The following MTMR12 variants were observed in gnomAD, a reference collection of about 807,000 sequenced individuals.
MTMR12 encodes the protein myotubularin related protein 12, also known as myotubularin-related protein 12.
MTMR12 carries 33 observed loss-of-function variants against 96.7 expected under a neutral mutation model. The ratio of observed to expected loss-of-function variants is 0.34; its 90% confidence interval spans 0.26 to 0.46. MTMR12 has a LOEUF of 0.46. MTMR12 is among the 20% of genes least tolerant of loss of function. The pLI, the probability that MTMR12 is intolerant of heterozygous loss-of-function variation, is 1.00. For synonymous variants in MTMR12, 298 were observed against 327.2 expected (o/e 0.91, Z 0.96); for missense variants, 721 against 896.1 (o/e 0.80, Z 2.49).
At chr5:32,289,823 C>T (rs1301209690) in intron 1 of MTMR12, among the ~76,000 whole-genome samples, 2 of 152,172 alleles carry the variant, frequency 1.3e-5, no homozygotes, top group Non-Finnish European at 2.9e-5. Context: ...AAACAGAAGC[C>T]GTTAGAGCTG....
At chr5:32,302,108 C>G (rs1751174644) in intron 1 of MTMR12, among the ~76,000 whole-genome samples, 1 of 146,864 alleles carries the variant, frequency 6.8e-6, no homozygotes, top group Admixed American at 6.6e-5. Context: ...AAATCCCTCC[C>G]TTCCCAAAAC....
At chr5:32,298,910 G>A (rs1371179454) in intron 1 of MTMR12, among the ~76,000 whole-genome samples, 6 of 143,294 alleles carry the variant, frequency 4.2e-5, no homozygotes, top group Admixed American at 1.5e-4. Flanking sequence ...CCGAGATCGC[G>A]CCACTGCACT....
rs368793963 is a variant in MTMR12, at chr5:32,299,053, GCGCACA to G, written c.81+13699_81+13704del. Among the ~76,000 whole-genome samples the G allele has an allele frequency of 4.5e-3, 674 of 151,126 alleles. 11 individuals carry two copies. The highest frequency in any genetic ancestry group is 0.016 in the African/African-American group (654 of 41,112). On this transcript the variant is annotated intron_variant, in intron 1 of 15. Transcript: ENST00000382142. ...TGGCCCAAAGAACACACACATGAATGCGCACACACACACACATACACATACACACAC... is the reference window on the plus strand; with the variant it reads ...TGGCCCAAAGAACACACACATGAATGCACACACACATACACATACACACAC...
rs1751646878 is a variant in MTMR12, at chr5:32,312,667, C to T, written c.81+91G>A. 1 of 1,190,746 alleles carries T rather than the reference C, an allele frequency of 8.4e-7. No homozygotes were observed. The allele number at this position is 1,190,746 out of a possible 1,614,324, so 73.8% of individuals were successfully genotyped here. The stretch of plus-strand genomic sequence containing the variant: ...CCCGGCACAAGGGCAGGAAGCGCTC[C>T]GCGGCGCTCCCCGCTGCAAGGAAGG... On this transcript the variant is annotated intron_variant, in intron 1 of 15. Transcript: ENST00000382142. This position sits in a 1 kb window ranked among gnomAD's most constrained non-coding sequence, Gnocchi z 5.0.
At chr5:32,276,940 C>CAGT (rs1178803160) in intron 1 of MTMR12, among the ~76,000 whole-genome samples, 198 bp from the exon 2 acceptor site, 2 of 115,614 alleles carry the variant, frequency 1.7e-5, no homozygotes, top group Non-Finnish European at 3.2e-5. Context: ...GGCTGGAGTG[C>CAGT]AGTGGCACGA....
At chr5:32,261,722 G>A (rs1749364191) in intron 7 of MTMR12, among the ~76,000 whole-genome samples, 2 of 152,190 alleles carry the variant, frequency 1.3e-5, no homozygotes, top group Admixed American at 1.3e-4. Flanking sequence ...ACACTGCCAA[G>A]CAAATGGAAG....
chr5:32,268,630 C>T, intron 6 of MTMR12, 71 bp downstream of exon 6: 8 of 1,277,510 alleles, frequency 6.3e-6, no homozygotes, highest in Non-Finnish European at 9.1e-6. Flanking sequence ...GATGTGTTCT[C>T]CCCCACTGGC....
chr5:32,283,566 C>G (rs1335974470), intron 1 of MTMR12, among the ~76,000 whole-genome samples: 1 of 152,084 alleles, frequency 6.6e-6, no homozygotes, highest in Non-Finnish European at 1.5e-5. Flanking sequence ...GCGTTCCTGG[C>G]CCAGTCTGCA....
intron 7 of MTMR12, among the ~76,000 whole-genome samples, chr5:32,262,298 G>A (rs1277657936): frequency 6.6e-6 from 1 of 152,058 alleles, no homozygotes; most frequent in Non-Finnish European, 1.5e-5. Flanking sequence ...ATAATTGAAT[G>A]TTCATATCAA....
At position 32,228,583 on chromosome 5, in the gene MTMR12, A is replaced by G. The variant is rs943568174; in HGVS notation, c.*1195T>C. 8.5e-6 allele frequency: 1 copy of G among 117,488 alleles called. No homozygotes were observed. The highest frequency in any genetic ancestry group is 3.4e-5 in the African/African-American group (1 of 29,202). The allele number at this position is 117,488 out of a possible 1,614,324, so 7.3% of individuals were successfully genotyped here. A position where few individuals can be genotyped will look rare whatever the true frequency, so the allele number is the denominator to read the frequency against. On this transcript the variant is annotated 3_prime_UTR_variant, in exon 16 of 16. Transcript: ENST00000382142. ...TATATATATATCATATATATATCAT[A>G]TATATGTGATATATATATATATATC...
chr5:32,288,503 T>C (rs1468036917), intron 1 of MTMR12, among the ~76,000 whole-genome samples: 1 of 152,106 alleles, frequency 6.6e-6, no homozygotes, highest in African/African-American at 2.4e-5. Flanking sequence ...TGAGGTGAGG[T>C]TGAGACTGTG....
Position 32,263,206 on chromosome 5 carries a change from G to T in MTMR12, c.620C>A (p.Thr207Lys). ...CAGTTCCCAACACCAGTCCTTAAGTGTGTCAAACATTACGGTATGGTTCTT... is the reference window on the plus strand; with the variant it reads ...CAGTTCCCAACACCAGTCCTTAAGTTTGTCAAACATTACGGTATGGTTCTT... ...DPKNHTVMFD[T>K]LKDWCWELER... The change falls in exon 7 of 16, where the codon ACA (threonine) becomes AAA (lysine). Residue 207 changes from threonine to lysine, a missense_variant. Transcript: ENST00000382142. 1 of 1,614,088 alleles carries T rather than the reference G, an allele frequency of 6.2e-7. No homozygotes were observed. Among genetic ancestry groups the T allele is most frequent in the South Asian group, 1.1e-5 (1 of 91,076 alleles).
chr5:32,279,639 G>C (rs76075938), intron 1 of MTMR12, among the ~76,000 whole-genome samples: 2,235 of 152,298 alleles, frequency 0.015, 38 homozygotes, highest in East Asian at 0.07. Context: ...CACATTCAAG[G>C]ATCTGCCACA....
intron 10 of MTMR12, 171 bp downstream of exon 10, chr5:32,247,831 G>A: frequency 1.0e-6 from 1 of 979,588 alleles, no homozygotes; most frequent in Non-Finnish European, 1.2e-6. Context: ...GGAGAGAGAT[G>A]GAGAGGGAAG....
At chr5:32,274,576 T>G (rs1160812744) in intron 2 of MTMR12, among the ~76,000 whole-genome samples, 1 of 152,212 alleles carries the variant, frequency 6.6e-6, no homozygotes, top group East Asian at 1.9e-4. Flanking sequence ...GGGGGCAGCT[T>G]CTAATACTGG....
chr5:32,231,270 A>T (rs1747983713), intron 15 of MTMR12, among the ~76,000 whole-genome samples: 1 of 151,020 alleles, frequency 6.6e-6, no homozygotes, highest in Non-Finnish European at 1.5e-5. Context: ...GGTGGTGGGC[A>T]CCCGAGGCTG....
chr5:32,278,574 G>C (rs1750150068), intron 1 of MTMR12, among the ~76,000 whole-genome samples: 1 of 152,116 alleles, frequency 6.6e-6, no homozygotes, highest in South Asian at 2.1e-4. Flanking sequence ...AGTAAACCAA[G>C]TCCCTCTGAG....
intron 1 of MTMR12, among the ~76,000 whole-genome samples, chr5:32,284,152 A>T (rs113119544): frequency 0.018 from 2,680 of 145,472 alleles, 31 homozygotes; most frequent in Non-Finnish European, 0.025. Flanking sequence ...ACAAAAAAAA[A>T]TTTTTTTTTT....
intron 15 of MTMR12, among the ~76,000 whole-genome samples, chr5:32,232,802 A>C (rs1260748523): frequency 6.6e-6 from 1 of 152,222 alleles, no homozygotes; most frequent in Non-Finnish European, 1.5e-5. Context: ...TCAGCAGCCA[A>C]CATCGTCTCT....
Sources: gnomAD v4.1 joint callset for allele counts (sites outside exome capture counted in the v4.1 genomes callset) on GRCh38, gnomAD v4.1.1 for gene constraint, Gnocchi (gnomAD v3.1) non-coding constraint, MANE v1.5 for transcripts, NCBI Gene and HGNC (gene_info 2026-07-23, HGNC 2026-07-21) for gene names.